Variants in KCNB2 observed in about 807,000 individuals in gnomAD.
KCNB2 encodes potassium voltage-gated channel subfamily B member 2.
A neutral mutation model predicts 61.5 loss-of-function variants in KCNB2; 15 were observed. That is an observed-to-expected ratio of 0.24 (90% confidence interval 0.16 to 0.38). The LOEUF is 0.38. Ranked by LOEUF, KCNB2 falls within the 10% of genes least tolerant of loss-of-function variation. The pLI, the probability that KCNB2 is intolerant of heterozygous loss-of-function variation, is 1.00. For missense variants in KCNB2, 828 were observed against 1,125.2 expected, an observed-to-expected ratio of 0.74 and a Z score of 3.78; for synonymous variants, 457 against 446.0, an observed-to-expected ratio of 1.02 and a Z score of -0.31.
At chr8:72,717,806 G>A (rs1393271421) in intron 2 of KCNB2, among the ~76,000 whole-genome samples, 1 of 152,148 alleles carries the variant, frequency 6.6e-6, no homozygotes, top group Non-Finnish European at 1.5e-5. Context: ...AGCCAAAATT[G>A]ACAAATGGGA....
chr8:72,605,595 G>C (rs1477793337), intron 2 of KCNB2, among the ~76,000 whole-genome samples: 1 of 152,148 alleles, frequency 6.6e-6, no homozygotes, highest in Non-Finnish European at 1.5e-5. Context: ...AGATGTTACA[G>C]TTATACAGAG....
At chr8:72,767,219 A>G (rs1369498363) in intron 2 of KCNB2, among the ~76,000 whole-genome samples, 1 of 152,202 alleles carries the variant, frequency 6.6e-6, no homozygotes, top group Non-Finnish European at 1.5e-5. Context: ...TCTTTACACT[A>G]ATACGTGCTA....
At chr8:72,663,219 C>T (rs1029013092) in intron 2 of KCNB2, among the ~76,000 whole-genome samples, 2 of 151,834 alleles carry the variant, frequency 1.3e-5, no homozygotes, top group African/African-American at 4.8e-5. Context: ...AACTAGTAGA[C>T]ACTTGATTAT....
At chr8:72,593,139 A>T (rs796954555) in intron 2 of KCNB2, among the ~76,000 whole-genome samples, 36 of 152,342 alleles carry the variant, frequency 2.4e-4, no homozygotes, top group African/African-American at 8.4e-4. Context: ...AATGTAAATT[A>T]GAAGATAATG....
At chr8:72,543,464 A>C (rs1433815553) in intron 1 of KCNB2, among the ~76,000 whole-genome samples, 1 of 152,212 alleles carries the variant, frequency 6.6e-6, no homozygotes, top group East Asian at 1.9e-4. Flanking sequence ...AATAAGAGCA[A>C]AATAAATATA....
rs79724884 is a variant in KCNB2, at chr8:72,894,594, G to C, written c.580-41341G>C. On this transcript the variant is annotated intron_variant, in intron 2 of 2. Transcript: ENST00000523207. The stretch of plus-strand genomic sequence containing the variant: ...CTGGCTTCACTTTTCCCCTTGCAGC[G>C]TGACCCACATTTGAAACCTTCATCA... Among the ~76,000 whole-genome samples the C allele has an allele frequency of 8.2e-4, 124 of 151,666 alleles. 1 individual carries two copies. The highest frequency in any genetic ancestry group is 2.8e-3 in the African/African-American group (118 of 41,484).
At chr8:72,766,759 G>A (rs970836008) in intron 2 of KCNB2, among the ~76,000 whole-genome samples, 1 of 152,186 alleles carries the variant, frequency 6.6e-6, no homozygotes, top group Non-Finnish European at 1.5e-5. Context: ...TCCATTTGGA[G>A]TGCTAAGAAG....
intron 2 of KCNB2, among the ~76,000 whole-genome samples, chr8:72,904,736 G>T (rs571361882): frequency 2.0e-5 from 3 of 151,562 alleles, no homozygotes; most frequent in Admixed American, 2.0e-4. Flanking sequence ...TTCTTCATTA[G>T]TGTTCCCATA....
chr8:72,779,736 C>G (rs1201912110), intron 2 of KCNB2, among the ~76,000 whole-genome samples: 1 of 152,040 alleles, frequency 6.6e-6, no homozygotes, highest in Non-Finnish European at 1.5e-5. Context: ...GAAAAGGTGC[C>G]AGGTCAGTAC....
At chr8:72,865,381 G>T (rs1343896532) in intron 2 of KCNB2, among the ~76,000 whole-genome samples, 1 of 151,988 alleles carries the variant, frequency 6.6e-6, no homozygotes, top group Non-Finnish European at 1.5e-5. Context: ...TTTCCTGTCT[G>T]CCCCATCTTA....
At chr8:72,589,587 G>A (rs973855497) in intron 2 of KCNB2, among the ~76,000 whole-genome samples, 2 of 152,192 alleles carry the variant, frequency 1.3e-5, no homozygotes, top group Non-Finnish European at 2.9e-5. Flanking sequence ...GGAAGGAGGA[G>A]CTGATAGACT....
At chr8:72,908,833 C>T (rs139015196) in intron 2 of KCNB2, among the ~76,000 whole-genome samples, 156 of 152,266 alleles carry the variant, frequency 1.0e-3, no homozygotes, top group African/African-American at 3.6e-3. Flanking sequence ...TAGAGTGGGG[C>T]CTGGCTTACA....
Position 72,870,254 on chromosome 8 carries a change from C to A in KCNB2, c.580-65681C>A, listed in dbSNP as rs76827032. The stretch of plus-strand genomic sequence containing the variant: ...TTCAGTTACATAAGATGAATAAGTT[C>A]TAGAGATCTGTGTACAACGTGGTGC... On this transcript the variant is annotated intron_variant, in intron 2 of 2. Coordinates refer to ENST00000523207, the MANE Select transcript of KCNB2 (RefSeq NM_004770.3). Among the ~76,000 whole-genome samples, 445 of 152,108 alleles carry A rather than the reference C, an allele frequency of 2.9e-3. 2 individuals are homozygous for A. Among genetic ancestry groups the A allele is most frequent in the African/African-American group, 9.8e-3 (408 of 41,508 alleles).
At chr8:72,593,600 C>A (rs1399899683) in intron 2 of KCNB2, among the ~76,000 whole-genome samples, 1 of 152,180 alleles carries the variant, frequency 6.6e-6, no homozygotes, top group Admixed American at 6.5e-5. Context: ...GAGATCCAGA[C>A]TGGGCTCTGA....
intron 2 of KCNB2, among the ~76,000 whole-genome samples, chr8:72,650,388 C>T (rs1336362966): frequency 6.6e-6 from 1 of 152,136 alleles, no homozygotes; most frequent in African/African-American, 2.4e-5. Flanking sequence ...TGCTCACCTG[C>T]TCTTACAACA....
intron 2 of KCNB2, among the ~76,000 whole-genome samples, chr8:72,822,485 A>T (rs1463345770): frequency 6.6e-6 from 1 of 152,130 alleles, no homozygotes; most frequent in African/African-American, 2.4e-5. Context: ...CTGATCTTTC[A>T]TAGAAAGAAG....
intron 2 of KCNB2, among the ~76,000 whole-genome samples, chr8:72,870,874 G>C (rs933422351): frequency 3.3e-5 from 5 of 152,216 alleles, no homozygotes; most frequent in Admixed American, 2.6e-4. Flanking sequence ...CTACTCAGGA[G>C]GCTGAGGTGA....
At chr8:72,725,996 A>T (rs1807643743) in intron 2 of KCNB2, among the ~76,000 whole-genome samples, 1 of 152,178 alleles carries the variant, frequency 6.6e-6, no homozygotes, top group Non-Finnish European at 1.5e-5. Context: ...CAACTTTATT[A>T]TACTACTGCA....
At chr8:72,692,380 T>C (rs1481410342) in intron 2 of KCNB2, among the ~76,000 whole-genome samples, 4 of 152,176 alleles carry the variant, frequency 2.6e-5, no homozygotes, top group African/African-American at 9.7e-5. Context: ...TTCTTCAGCA[T>C]AGATAGTTTA....
Sources: gnomAD v4.1 joint callset for allele counts (sites outside exome capture counted in the v4.1 genomes callset) on GRCh38, gnomAD v4.1.1 for gene constraint, MANE v1.5 for transcripts, NCBI Gene and HGNC (gene_info 2026-07-23, HGNC 2026-07-21) for gene names.